Variants in CACNA1D observed in about 807,000 individuals in gnomAD.
CACNA1D encodes voltage-dependent L-type calcium channel subunit alpha-1D.
Under a neutral mutation model 257.1 loss-of-function variants are expected in CACNA1D, and 55 were observed. The ratio of observed to expected loss-of-function variants is 0.21; its 90% CI spans 0.17 to 0.27. CACNA1D has a LOEUF of 0.27. Among genes scored for constraint, CACNA1D ranks in the 10% least tolerant of loss-of-function variants. The pLI is 1.00. For missense variants in CACNA1D, 1,876 were observed against 2,784.0 expected (o/e 0.67, Z 7.34); for synonymous variants, 980 against 1,014.9 (o/e 0.97, Z 0.65).
chr3:53,575,303 G>T (rs1256432432), intron 3 of CACNA1D, among the ~76,000 whole-genome samples: 2 of 152,194 alleles, frequency 1.3e-5, no homozygotes, highest in Non-Finnish European at 1.5e-5. Flanking sequence ...GTTCAGAGAG[G>T]CACTTGCCAA....
At chr3:53,769,198 G>A (rs1253590520) in intron 30 of CACNA1D, among the ~76,000 whole-genome samples, 1 of 152,220 alleles carries the variant, frequency 6.6e-6, no homozygotes, top group African/African-American at 2.4e-5. Context: ...TGGGGGGCAG[G>A]TAAGCACCAG....
At chr3:53,767,009 G>A (rs775444377) in intron 30 of CACNA1D, among the ~76,000 whole-genome samples, 4 of 152,104 alleles carry the variant, frequency 2.6e-5, no homozygotes, top group Non-Finnish European at 5.9e-5. Flanking sequence ...TCCATCCCTT[G>A]TAGGGGAGAT....
chr3:53,548,476 C>G (rs998557292), intron 3 of CACNA1D, among the ~76,000 whole-genome samples: 5 of 150,882 alleles, frequency 3.3e-5, no homozygotes, highest in Admixed American at 2.7e-4. Context: ...ACCCGACATT[C>G]TCTCCATCAT....
intron 3 of CACNA1D, among the ~76,000 whole-genome samples, chr3:53,550,433 CT>C (rs2092507962): frequency 6.6e-6 from 1 of 152,210 alleles, no homozygotes; most frequent in Non-Finnish European, 1.5e-5. Flanking sequence ...CTCTGTGAAC[CT>C]CTCACCCTGC....
chr3:53,548,777 A>G (rs1020703885), intron 3 of CACNA1D, among the ~76,000 whole-genome samples: 1 of 152,218 alleles, frequency 6.6e-6, no homozygotes, highest in African/African-American at 2.4e-5. Flanking sequence ...AGATACTGCA[A>G]TAGTTTGCAT....
At position 53,571,181 on chromosome 3, in the gene CACNA1D, T is replaced by C. The variant is rs531622477; in HGVS notation, c.483+69461T>C. ...CGTTTGTTGTGGGGAAGTATCTGAA[T>C]GATTCATTTGCTGTGCGTGTCTGAA... On this transcript the variant is annotated intron_variant, in intron 3 of 47. Transcript: ENST00000350061. Among the ~76,000 whole-genome samples the C allele has an allele frequency of 2.0e-5, 3 of 152,364 alleles. No homozygotes were observed. The East Asian group carries it at 5.8e-4, about 29-fold the overall frequency.
intron 3 of CACNA1D, among the ~76,000 whole-genome samples, chr3:53,562,952 A>G (rs1223495905): frequency 2.0e-5 from 3 of 152,244 alleles, no homozygotes; most frequent in Non-Finnish European, 4.4e-5. Context: ...ATGTCACAAG[A>G]AAGTCCAGTG....
chr3:53,496,573 A>G (rs1436208225), intron 1 of CACNA1D, among the ~76,000 whole-genome samples: 1 of 152,150 alleles, frequency 6.6e-6, no homozygotes, highest in African/African-American at 2.4e-5. Flanking sequence ...TGCATAATCT[A>G]GATATTTGTT....
At chr3:53,685,220 T>A (rs995961082) in intron 8 of CACNA1D, among the ~76,000 whole-genome samples, 5 of 152,156 alleles carry the variant, frequency 3.3e-5, no homozygotes, top group Non-Finnish European at 5.9e-5. Flanking sequence ...ATAGGGACAT[T>A]TCAGAAATAG....
At chr3:53,796,079 G>A (rs959471968) in intron 40 of CACNA1D, 4 of 253,240 alleles carry the variant, frequency 1.6e-5, no homozygotes, top group South Asian at 4.7e-5. Context: ...CTGAGGAGGC[G>A]GACGGCAGCT....
rs141886267 is a variant in CACNA1D at position 53,702,806 on chromosome 3, A to C, written c.1386A>C (p.Arg462=). 10 of 1,614,184 alleles carry C rather than the reference A, an allele frequency of 6.2e-6. No homozygotes were observed. The highest frequency in any genetic ancestry group is 3.3e-4 in the Middle Eastern group (2 of 6,054). The change falls in exon 9 of 48, where the codon CGA becomes CGC. Residue 462 remains arginine, a synonymous_variant. Transcript: ENST00000350061. ...NEEEGGEEGK[R]NTSMPTSETE... is the part of the protein sequence containing the mutation. Reference sequence around the variant, plus strand: ...AAGAAGGAGGAGAGGAAGGCAAACGAAATAGTATGTAGCGCCTTTCCTGCC... The same window carrying C: ...AAGAAGGAGGAGAGGAAGGCAAACGCAATAGTATGTAGCGCCTTTCCTGCC...
intron 11 of CACNA1D, among the ~76,000 whole-genome samples, chr3:53,721,994 G>A (rs114158119): frequency 1.1e-3 from 164 of 152,306 alleles, no homozygotes; most frequent in Middle Eastern, 6.8e-3. Flanking sequence ...GCATCTGCAC[G>A]TGAATCTATG....
At chr3:53,567,807 C>T (rs554171765) in intron 3 of CACNA1D, among the ~76,000 whole-genome samples, 1 of 152,328 alleles carries the variant, frequency 6.6e-6, no homozygotes, top group South Asian at 2.1e-4. Flanking sequence ...GGGCTGTATA[C>T]ACTGTGTACA....
chr3:53,804,017 T>A (rs533621367), intron 44 of CACNA1D, among the ~76,000 whole-genome samples: 91 of 152,116 alleles, frequency 6.0e-4, no homozygotes, highest in African/African-American at 2.1e-3. Context: ...CTTCAAGGGG[T>A]CTCTCGGGGA....
intron 9 of CACNA1D, among the ~76,000 whole-genome samples, chr3:53,705,052 G>A (rs2094671858): frequency 6.6e-6 from 1 of 152,224 alleles, no homozygotes; most frequent in Non-Finnish European, 1.5e-5. Context: ...AAAACCTGAT[G>A]ATGACAGAAA....
chr3:53,722,187 T>A, intron 11 of CACNA1D, 127 bp from the exon 12 acceptor site: 2 of 896,396 alleles, frequency 2.2e-6, no homozygotes, highest in Admixed American at 4.1e-5. Flanking sequence ...GTGCTCATCT[T>A]TCTTTCCTGC....
At chr3:53,760,296 A>G (rs1559638795) in intron 29 of CACNA1D, among the ~76,000 whole-genome samples, 7 of 152,330 alleles carry the variant, frequency 4.6e-5, no homozygotes, top group Middle Eastern at 3.4e-3. Context: ...GTACGTCCAC[A>G]TCTTCTATAC....
At chr3:53,753,485 G>A in intron 28 of CACNA1D, 87 bp from the exon 29 acceptor site, 4 of 903,904 alleles carry the variant, frequency 4.4e-6, no homozygotes, top group Non-Finnish European at 3.7e-6. Flanking sequence ...ATGCCCACAG[G>A]GGCACAGAGG....
rs312486 is a variant in CACNA1D, at chr3:53,511,427, G to T, written c.483+9707G>T. Among the ~76,000 whole-genome samples, 6 of 152,156 alleles carry T rather than the reference G, an allele frequency of 3.9e-5. No homozygotes were observed. The South Asian group carries it at 1.2e-3, about 32-fold the overall frequency. The stretch of plus-strand genomic sequence containing the variant: ...AAAGGGAAGCAGCCACGCTCATTCA[G>T]AGCAGCACTTTCTAGGAAGCACATC... On this transcript the variant is annotated intron_variant, in intron 3 of 47. Coordinates refer to ENST00000350061, the MANE Select transcript of CACNA1D (RefSeq NM_001128840.3).
Sources: allele counts gnomAD v4.1 joint callset (sites outside exome capture counted in the v4.1 genomes callset), GRCh38; gene constraint gnomAD v4.1.1; transcripts MANE v1.5; gene names NCBI Gene and HGNC (gene_info 2026-07-23, HGNC 2026-07-21).